ANKS1B: variants seen among roughly 807,000 people sequenced by gnomAD.
ANKS1B encodes ankyrin repeat and sterile alpha motif domain containing 1B.
Under a neutral mutation model 148.3 loss-of-function variants are expected in ANKS1B, and 36 were observed. The ratio of observed to expected loss-of-function variants is 0.24; its 90% CI spans 0.19 to 0.32. The LOEUF is 0.32. Among genes scored for constraint, ANKS1B ranks in the 10% least tolerant of loss-of-function variants. The pLI is 1.00. For synonymous variants in ANKS1B, 542 were observed against 560.8 expected, an observed-to-expected ratio of 0.97 and a Z score of 0.47; for missense variants, 1,157 against 1,542.6, an observed-to-expected ratio of 0.75 and a Z score of 4.19.
At chr12:99,545,244 A>G (rs2097161806) in intron 9 of ANKS1B, among the ~76,000 whole-genome samples, 1 of 152,176 alleles carries the variant, frequency 6.6e-6, no homozygotes. Flanking sequence ...AATGACATTT[A>G]TATAACACAC....
intron 1 of ANKS1B, among the ~76,000 whole-genome samples, chr12:99,982,333 TA>T (rs35728993): frequency 0.46 from 65,772 of 144,456 alleles, 15,762 homozygotes; most frequent in African/African-American, 0.62. Context: ...ATCTATTCTT[TA>T]AAAAAAAAAA....
chr12:98,982,463 C>G (rs2099912700), intron 17 of ANKS1B, among the ~76,000 whole-genome samples: 1 of 152,210 alleles, frequency 6.6e-6, no homozygotes, highest in Non-Finnish European at 1.5e-5. Context: ...TGGGTACCCC[C>G]TCCTGATCCC....
intron 17 of ANKS1B, among the ~76,000 whole-genome samples, chr12:98,852,362 G>A (rs1162514460): frequency 2.0e-5 from 3 of 152,142 alleles, no homozygotes; most frequent in African/African-American, 4.8e-5. Context: ...AGATGTAGGC[G>A]TTAAAGGAGA....
intron 14 of ANKS1B, among the ~76,000 whole-genome samples, chr12:99,196,118 A>ATTTT (rs1186137763): frequency 2.0e-5 from 3 of 152,312 alleles, no homozygotes; most frequent in African/African-American, 7.2e-5. Context: ...TTTGCTGATA[A>ATTTT]TATTACTGGT....
At chr12:99,289,045 C>T (rs2079540976) in intron 12 of ANKS1B, among the ~76,000 whole-genome samples, 1 of 151,842 alleles carries the variant, frequency 6.6e-6, no homozygotes, top group Non-Finnish European at 1.5e-5. Flanking sequence ...TATAAAAACT[C>T]ATCGAGACTG....
Position 99,333,925 on chromosome 12 carries a change from T to C in ANKS1B, c.1756+65706A>G, listed in dbSNP as rs149895389. Among the ~76,000 whole-genome samples, 44 of 150,580 alleles carry C rather than the reference T, an allele frequency of 2.9e-4. No homozygotes were observed. In the East Asian group the frequency reaches 8.3e-3, roughly 28 times the overall value. ...AGGTACATGTTGATCGCATTTCATA[T>C]ACCTCAACTGCTGCCAGATTGGTTT... On this transcript the variant is annotated intron_variant, in intron 12 of 26. Transcript: ENST00000683438.
At chr12:98,989,908 G>GGAAA (rs112118609) in intron 17 of ANKS1B, among the ~76,000 whole-genome samples, 5 of 136,834 alleles carry the variant, frequency 3.7e-5, no homozygotes, top group South Asian at 2.2e-4. Flanking sequence ...AAAGGAAGAA[G>GGAAA]GAAAGAAAGA....
rs886787720 is a variant in ANKS1B, at chr12:99,984,743, C to G, written c.-506G>C. On this transcript the variant is annotated 5_prime_UTR_variant, in exon 1 of 27. Coordinates refer to ENST00000683438, the MANE Select transcript of ANKS1B (RefSeq NM_001352186.2). ...TTCCTCGGCGGTTACGCGGGGGCGG[C>G]GTCCGCGGCGGGGAGGAGCGCGGCG... is the stretch of plus-strand genomic sequence containing the variant. 1 of 149,806 alleles carries G rather than the reference C, an allele frequency of 6.7e-6. No homozygotes were observed. Among genetic ancestry groups the G allele is most frequent in the African/African-American group, 2.4e-5 (1 of 40,988 alleles). 9.3% of individuals were successfully genotyped at this position (149,806 alleles called of 1,614,324 possible). A position where few individuals can be genotyped will look rare whatever the true frequency, so the allele number is the denominator to read the frequency against.
intron 9 of ANKS1B, among the ~76,000 whole-genome samples, chr12:99,554,619 C>A (rs1489359312): frequency 1.3e-5 from 2 of 152,158 alleles, no homozygotes; most frequent in African/African-American, 4.8e-5. Context: ...AACCATAATC[C>A]ATGAAGAAAA....
At chr12:99,394,920 A>G (rs2094195946) in intron 12 of ANKS1B, among the ~76,000 whole-genome samples, 1 of 152,202 alleles carries the variant, frequency 6.6e-6, no homozygotes, top group African/African-American at 2.4e-5. Flanking sequence ...CTGTTTACCA[A>G]ACCTTCTCTT....
chr12:99,763,584 T>A (rs1180466217), intron 8 of ANKS1B, among the ~76,000 whole-genome samples: 1 of 151,992 alleles, frequency 6.6e-6, no homozygotes, highest in Non-Finnish European at 1.5e-5. Flanking sequence ...ATAAATCATT[T>A]GTACACCAAA....
intron 1 of ANKS1B, among the ~76,000 whole-genome samples, chr12:99,941,588 G>C (rs752809490): frequency 2.0e-5 from 3 of 152,160 alleles, no homozygotes; most frequent in Non-Finnish European, 4.4e-5. Context: ...CCAGGAGCTG[G>C]AGACAGGAAA....
chr12:99,516,573 A>AC (rs1479077308), intron 9 of ANKS1B, among the ~76,000 whole-genome samples: 1 of 152,002 alleles, frequency 6.6e-6, no homozygotes, highest in Non-Finnish European at 1.5e-5. Context: ...GGAACAACAC[A>AC]CCCAGGACCC....
intron 16 of ANKS1B, among the ~76,000 whole-genome samples, chr12:99,073,105 CT>C (rs1010722298): frequency 1.3e-5 from 2 of 152,168 alleles, no homozygotes; most frequent in African/African-American, 4.8e-5. Flanking sequence ...AGCACATATG[CT>C]TTGGAAAACT....
intron 17 of ANKS1B, among the ~76,000 whole-genome samples, chr12:98,966,219 C>T (rs1370101584): frequency 5.9e-5 from 9 of 152,012 alleles, no homozygotes; most frequent in Admixed American, 3.9e-4. Flanking sequence ...ACAAACAACC[C>T]CATCAAAAAG....
At chr12:99,391,948 T>C (rs1243283496) in intron 12 of ANKS1B, among the ~76,000 whole-genome samples, 1 of 150,066 alleles carries the variant, frequency 6.7e-6, no homozygotes, top group Non-Finnish European at 1.5e-5. Context: ...AATACTTGCC[T>C]CTAGGGTACC....
At chr12:99,428,989 A>G (rs2095314531) in intron 11 of ANKS1B, among the ~76,000 whole-genome samples, 1 of 152,212 alleles carries the variant, frequency 6.6e-6, no homozygotes, top group Non-Finnish European at 1.5e-5. Flanking sequence ...ACCAATAATA[A>G]TAATAATGGA....
intron 17 of ANKS1B, among the ~76,000 whole-genome samples, chr12:98,918,620 A>G (rs1343635372): frequency 6.6e-6 from 1 of 152,214 alleles, no homozygotes; most frequent in African/African-American, 2.4e-5. Context: ...AATGGTATGC[A>G]CATTTTAATG....
intron 15 of ANKS1B, among the ~76,000 whole-genome samples, chr12:99,110,120 T>C (rs2060000598): frequency 1.3e-5 from 2 of 152,168 alleles, no homozygotes; most frequent in Non-Finnish European, 2.9e-5. Context: ...ATCTAGGTGG[T>C]ATTTCTACAT....
Sources: gnomAD v4.1 joint callset for allele counts (sites outside exome capture counted in the v4.1 genomes callset) on GRCh38, gnomAD v4.1.1 for gene constraint, MANE v1.5 for transcripts, NCBI Gene and HGNC (gene_info 2026-07-23, HGNC 2026-07-21) for gene names.